SRPK2: variants seen among roughly 807,000 people sequenced by gnomAD.
The protein encoded by SRPK2 is SFRS protein kinase 2.
SRPK2 carries 21 observed loss-of-function variants against 90.8 expected under a neutral mutation model. The ratio of observed to expected loss-of-function variants is 0.23; its 90% CI spans 0.16 to 0.33. The LOEUF (loss-of-function observed/expected upper bound fraction) is 0.33. Ranked by LOEUF, SRPK2 falls within the 10% of genes least tolerant of loss-of-function variation. The pLI, the probability that SRPK2 is intolerant of heterozygous loss-of-function variation, is 1.00. For synonymous variants in SRPK2, 288 were observed against 311.1 expected (o/e 0.93, Z 0.78); for missense variants, 620 against 869.0 (o/e 0.71, Z 3.60).
chr7:105,200,279 T>G (rs1326933333), intron 3 of SRPK2, among the ~76,000 whole-genome samples: 1 of 152,074 alleles, frequency 6.6e-6, no homozygotes, highest in East Asian at 1.9e-4. Context: ...ACAGCCTGGG[T>G]GACAGAGCGA....
intron 2 of SRPK2, among the ~76,000 whole-genome samples, chr7:105,324,010 T>TGTGTGTGG (rs1554509975): frequency 7.4e-4 from 110 of 148,972 alleles, no homozygotes; most frequent in East Asian, 4.0e-3. Flanking sequence ...TGTGTGTGTG[T>TGTGTGTGG]GTGTGTGGTG....
At chr7:105,136,852 G>A (rs1802895910) in intron 11 of SRPK2, among the ~76,000 whole-genome samples, 1 of 152,168 alleles carries the variant, frequency 6.6e-6, no homozygotes, top group African/African-American at 2.4e-5. Flanking sequence ...TATTTACTGA[G>A]TACCTTCTGT....
At chr7:105,287,433 T>C (rs975465891) in intron 2 of SRPK2, among the ~76,000 whole-genome samples, 38 of 151,934 alleles carry the variant, frequency 2.5e-4, no homozygotes, top group Non-Finnish European at 2.9e-5. Flanking sequence ...ATGTAAAATA[T>C]ATTCTTAAAT....
intron 7 of SRPK2, among the ~76,000 whole-genome samples, chr7:105,153,517 A>C (rs754317002): frequency 6.6e-6 from 1 of 152,156 alleles, no homozygotes; most frequent in Non-Finnish European, 1.5e-5. Context: ...AAGTCGGGGA[A>C]CAGTCAAGCA....
chr7:105,367,048 T>A (rs1819148498), intron 2 of SRPK2, among the ~76,000 whole-genome samples: 1 of 151,254 alleles, frequency 6.6e-6, no homozygotes, highest in African/African-American at 2.4e-5. Flanking sequence ...AAGAAAAATA[T>A]GAGATCACCT....
At chr7:105,147,503 T>C (rs1349334295) in intron 7 of SRPK2, among the ~76,000 whole-genome samples, 1 of 152,018 alleles carries the variant, frequency 6.6e-6, no homozygotes, top group East Asian at 1.9e-4. Context: ...GTATTTTTAG[T>C]AGAGACGGGG....
At chr7:105,261,609 T>C (rs1394098708) in intron 2 of SRPK2, among the ~76,000 whole-genome samples, 1 of 152,194 alleles carries the variant, frequency 6.6e-6, no homozygotes, top group Non-Finnish European at 1.5e-5. Context: ...TGATTATTTA[T>C]TAATCTATGC....
intron 2 of SRPK2, among the ~76,000 whole-genome samples, chr7:105,243,529 G>A (rs1801111553): frequency 6.6e-6 from 1 of 151,584 alleles, no homozygotes; most frequent in African/African-American, 2.4e-5. Context: ...CAAATTAGCC[G>A]GGCGTGGTAG....
chr7:105,209,120 G>T, intron 2 of SRPK2, among the ~76,000 whole-genome samples: 1 of 152,274 alleles, frequency 6.6e-6, no homozygotes, highest in Middle Eastern at 3.4e-3. Flanking sequence ...TTTACAATAA[G>T]CTCAGCTACA....
At chr7:105,133,160 T>G in intron 11 of SRPK2, 56 bp from the exon 12 acceptor site, 1 of 1,518,578 alleles carries the variant, frequency 6.6e-7, no homozygotes, top group Non-Finnish European at 9.1e-7. Context: ...TTTGCATGTG[T>G]GAGCACAGTG....
intron 2 of SRPK2, among the ~76,000 whole-genome samples, chr7:105,245,871 AT>A (rs1801591260): frequency 6.6e-6 from 1 of 152,090 alleles, no homozygotes; most frequent in Non-Finnish European, 1.5e-5. Context: ...GGCACACATC[AT>A]CGCACCCAGC....
chr7:105,336,727 G>A (rs1257872602), intron 2 of SRPK2, among the ~76,000 whole-genome samples: 2 of 152,122 alleles, frequency 1.3e-5, no homozygotes, highest in Non-Finnish European at 1.5e-5. Flanking sequence ...AACACTCTGA[G>A]TTCCCAATTC....
chr7:105,183,575 C>G (rs1793170694), intron 3 of SRPK2, among the ~76,000 whole-genome samples: 2 of 152,272 alleles, frequency 1.3e-5, no homozygotes, highest in East Asian at 1.9e-4. Flanking sequence ...CAATCTCCAC[C>G]TCCTAGGTTC....
intron 15 of SRPK2, among the ~76,000 whole-genome samples, chr7:105,122,135 C>T (rs893747336): frequency 6.6e-6 from 1 of 152,126 alleles, no homozygotes; most frequent in East Asian, 1.9e-4. Flanking sequence ...TAAACCCTAC[C>T]TCACATCCCA....
intron 7 of SRPK2, among the ~76,000 whole-genome samples, chr7:105,149,141 T>C (rs192922034): frequency 2.0e-5 from 3 of 152,158 alleles, no homozygotes; most frequent in East Asian, 1.9e-4. Flanking sequence ...GCAGTTGAGA[T>C]AGAGGAAGGC....
At chr7:105,168,135 T>C (rs780725746) in intron 4 of SRPK2, 40 bp from the exon 5 acceptor site, 1 of 1,491,944 alleles carries the variant, frequency 6.7e-7, no homozygotes, top group East Asian at 2.4e-5. Flanking sequence ...TTATCTATAT[T>C]ATCAGTAGAA....
chr7:105,289,597 AAAT>A (rs777884047), intron 2 of SRPK2, among the ~76,000 whole-genome samples: 10 of 152,204 alleles, frequency 6.6e-5, no homozygotes, highest in Non-Finnish European at 1.5e-4. Flanking sequence ...GTGATCATAA[AAAT>A]ATAAATTATT....
At chr7:105,341,037 T>G (rs529118416) in intron 2 of SRPK2, among the ~76,000 whole-genome samples, 4 of 151,912 alleles carry the variant, frequency 2.6e-5, no homozygotes, top group Admixed American at 6.6e-5. Flanking sequence ...GAAAAGGCAA[T>G]AGATTTATCT....
chr7:105,371,950 C>T (rs576088134), intron 2 of SRPK2, among the ~76,000 whole-genome samples: 9 of 151,808 alleles, frequency 5.9e-5, no homozygotes, highest in East Asian at 1.9e-4. Flanking sequence ...CTGGCTATCA[C>T]GGTGAAACCC....
Sources: gnomAD v4.1 joint callset for allele counts (sites outside exome capture counted in the v4.1 genomes callset) on GRCh38, gnomAD v4.1.1 for gene constraint, MANE v1.5 for transcripts, NCBI Gene and HGNC (gene_info 2026-07-23, HGNC 2026-07-21) for gene names.